Variants in LRRC56 observed in about 807,000 individuals in gnomAD.
The protein encoded by LRRC56 is leucine-rich repeat-containing protein 56.
A neutral mutation model predicts 47.8 loss-of-function variants in LRRC56; 41 were observed. The ratio of observed to expected loss-of-function variants is 0.86; its 90% CI spans 0.67 to 1.11. The LOEUF (loss-of-function observed/expected upper bound fraction) is 1.11, where lower values mean the gene tolerates loss of function less well. Ranked by LOEUF, LRRC56 falls within the 50% of genes most tolerant of loss-of-function variation. The pLI, the probability that LRRC56 is intolerant of heterozygous loss-of-function variation, is 0.00. For synonymous variants in LRRC56, 387 were observed against 311.2 expected, an observed-to-expected ratio of 1.24 and a Z score of -2.56; for missense variants, 759 against 704.2, an observed-to-expected ratio of 1.08 and a Z score of -0.88.
chr11:530,567 C>T, the LRRC56 span, among the ~76,000 whole-genome samples: 1 of 67,438 alleles, frequency 1.5e-5, no homozygotes, highest in East Asian at 3.8e-4. Flanking sequence ...GGGAGTGTGG[C>T]GTCCCCTGGA....
chr11:536,576 C>G (rs910036232), upstream of LRRC56, among the ~76,000 whole-genome samples: 1 of 152,168 alleles, frequency 6.6e-6, no homozygotes, highest in Non-Finnish European at 1.5e-5. Context: ...TCAAGACCAG[C>G]CTGGCCAACA....
chr11:540,734 GCGTC>G lies in LRRC56; in HGVS notation c.53_56del (p.Val18GlyfsTer5). On this transcript the variant is annotated frameshift_variant, in exon 4 of 14. Transcript: ENST00000270115. LOFTEE classifies it high-confidence loss of function. ...CGTGGGCCTCGGCGGAGCACCTCCA[GCGTC>G]CGGGTGCGGGAGCTGAGCTGGCAAG... is the stretch of plus-strand genomic sequence containing the variant. The G allele has an allele frequency of 6.2e-7, 1 of 1,612,400 alleles. No individual in the cohort carries two copies. The highest frequency in any genetic ancestry group is 1.1e-5 in the South Asian group (1 of 90,880).
the LRRC56 span, among the ~76,000 whole-genome samples, chr11:508,148 C>T: frequency 1.3e-5 from 2 of 152,200 alleles, no homozygotes; most frequent in Non-Finnish European, 1.5e-5. Context: ...TTTGCTAAAC[C>T]TCTCCTCTGA....
At chr11:534,792 G>A (rs924092026), upstream of LRRC56, among the ~76,000 whole-genome samples, 1 of 152,192 alleles carries the variant, frequency 6.6e-6, no homozygotes, top group African/African-American at 2.4e-5. Context: ...CAGGCCCCGC[G>A]GCGCTGGTGC....
the LRRC56 span, among the ~76,000 whole-genome samples, chr11:521,779 G>A: frequency 6.6e-6 from 1 of 152,064 alleles, no homozygotes; most frequent in Non-Finnish European, 1.5e-5. Context: ...GCTGGACGTG[G>A]TGGCGAGCGC....
intron 6 of LRRC56, 56 bp downstream of exon 6, chr11:544,836 A>T: frequency 8.8e-6 from 9 of 1,027,034 alleles, no homozygotes; most frequent in South Asian, 1.4e-5. Context: ...CCGATGGGAC[A>T]GGCCCTGCAG....
chr11:544,662 G>C (rs1346370500), intron 5 of LRRC56, 58 bp from the exon 6 acceptor site: 1 of 1,566,340 alleles, frequency 6.4e-7, no homozygotes, highest in East Asian at 2.2e-5. Flanking sequence ...GTGAAGGAGG[G>C]TGCAGAGGTG....
upstream of LRRC56, chr11:534,720 A>G (rs1002023266): frequency 2.8e-5 from 8 of 288,938 alleles, no homozygotes; most frequent in African/African-American, 1.5e-4. Context: ...ACCGTCCTCC[A>G]GAACAGGTCT....
chr11:553,136 G>A lies in LRRC56; in HGVS notation c.1315+434G>A, dbSNP rs12360623. On this transcript the variant is annotated intron_variant, in intron 13 of 13. Transcript: ENST00000270115. ...GCCCCACTGGGAGACCAAGGCAGGA[G>A]GGTGCTGCCGCTTCACCCTGAAGAT... Among the ~76,000 whole-genome samples, 4 of 152,324 alleles carry A rather than the reference G, an allele frequency of 2.6e-5. No individual in the cohort carries two copies. In the South Asian group the frequency reaches 8.3e-4, roughly 32 times the overall value.
chr11:512,337 C>T, the LRRC56 span, among the ~76,000 whole-genome samples: 1 of 152,012 alleles, frequency 6.6e-6, no homozygotes, highest in African/African-American at 2.4e-5. Flanking sequence ...CCAGTTCAAG[C>T]AGTTCTCCGC....
At chr11:535,379 A>C (rs1351828724), upstream of LRRC56, 2 of 145,044 alleles carry the variant, frequency 1.4e-5, no homozygotes, top group Non-Finnish European at 3.1e-5. Context: ...GGGGGCGAGG[A>C]GGGCGCGCGG....
chr11:540,418 G>A (rs969619530), intron 3 of LRRC56, among the ~76,000 whole-genome samples: 7 of 152,160 alleles, frequency 4.6e-5, no homozygotes, highest in African/African-American at 1.7e-4. Context: ...ACACAGGGAG[G>A]GTGTCCTACG....
chr11:550,838 G>A (rs1016737192), intron 8 of LRRC56, among the ~76,000 whole-genome samples: 3 of 152,120 alleles, frequency 2.0e-5, no homozygotes, highest in South Asian at 2.1e-4. Context: ...CTACTGCTCC[G>A]TGGGCCAGAG....
At position 551,881 on chromosome 11, in the gene LRRC56, C is replaced by T. The variant is rs12272001; in HGVS notation, c.974-22C>T. The T allele has an allele frequency of 7.9e-3, 12,784 of 1,612,060 alleles. 68 individuals are homozygous for T. The highest frequency in any genetic ancestry group is 0.012 in the Admixed American group (710 of 59,976). On this transcript the variant is annotated intron_variant, in intron 10 of 13. Transcript: ENST00000270115. ...GCAGCCCCTCGGCCCCGAACCAGGC[C>T]CAGCCATGCTGTCTCTTGCAGGTGC...
At position 551,936 on chromosome 11, in the gene LRRC56, A is replaced by G. The variant is rs763804308; in HGVS notation, c.1007A>G (p.Lys336Arg). Residue 336 changes from lysine to arginine, a missense_variant, in exon 11 of 14, where the codon AAG (lysine) becomes AGG (arginine). By Grantham distance (26) the Lys-to-Arg change is conservative. Coordinates refer to ENST00000270115, the MANE Select transcript of LRRC56 (RefSeq NM_198075.4). ...AGQVLCGNPT[K>R]GLRERRHQCQ... Reference sequence around the variant, plus strand: ...CAAGTCCTCTGTGGGAACCCCACCAAGGGCCTGCGGGAGCGTAGGCACCAG... The same window carrying G: ...CAAGTCCTCTGTGGGAACCCCACCAGGGGCCTGCGGGAGCGTAGGCACCAG... 2 of 1,612,660 alleles carry G rather than the reference A, an allele frequency of 1.2e-6. No individual in the cohort carries two copies. Among genetic ancestry groups the G allele is most frequent in the Non-Finnish European group, 1.7e-6 (2 of 1,179,912 alleles).
chr11:517,887 T>C, the LRRC56 span, among the ~76,000 whole-genome samples: 1 of 152,240 alleles, frequency 6.6e-6, no homozygotes, highest in Admixed American at 6.5e-5. Context: ...CCGTGCTCTC[T>C]GAAACGTGCT....
chr11:546,774 C>A (rs1032290793), intron 6 of LRRC56, among the ~76,000 whole-genome samples: 8 of 151,920 alleles, frequency 5.3e-5, no homozygotes, highest in African/African-American at 1.9e-4. Context: ...GTCTCCCAGC[C>A]AGGCGGGTTG....
chr11:534,944 T>G (rs1041136857), upstream of LRRC56, among the ~76,000 whole-genome samples: 12 of 152,068 alleles, frequency 7.9e-5, no homozygotes, highest in Non-Finnish European at 1.2e-4. Context: ...GAGGAGCTCC[T>G]GGGAAGCAGG....
chr11:549,080 A>G (rs36089917), intron 6 of LRRC56, among the ~76,000 whole-genome samples: 43,795 of 152,080 alleles, frequency 0.29, 6,673 homozygotes, highest in Admixed American at 0.44. Flanking sequence ...AATGCACCTG[A>G]GGGCCCACAG....
Sources: gnomAD v4.1 joint callset for allele counts (sites outside exome capture counted in the v4.1 genomes callset) on GRCh38, gnomAD v4.1.1 for gene constraint, MANE v1.5 for transcripts, NCBI Gene and HGNC (gene_info 2026-07-23, HGNC 2026-07-21) for gene names.